Variants in C8orf34 observed in about 807,000 individuals in gnomAD.
The protein encoded by C8orf34 is chromosome 8 open reading frame 34.
Under a neutral mutation model 68.3 loss-of-function variants are expected in C8orf34, and 65 were observed. That is an observed-to-expected ratio of 0.95 (90% CI 0.78 to 1.17). The LOEUF is 1.17. Ranked by LOEUF, C8orf34 falls within the 50% of genes most tolerant of loss-of-function variation. The pLI is 0.00. For missense variants in C8orf34, 664 were observed against 655.4 expected (o/e 1.01, Z -0.14); for synonymous variants, 244 against 241.2 (o/e 1.01, Z -0.11).
At chr8:68,669,420 A>G (rs1819941167) in intron 8 of C8orf34, among the ~76,000 whole-genome samples, 1 of 152,218 alleles carries the variant, frequency 6.6e-6, no homozygotes, top group Non-Finnish European at 1.5e-5. Flanking sequence ...CTCACTTGAT[A>G]TTAGTAACAA....
intron 12 of C8orf34, among the ~76,000 whole-genome samples, chr8:68,802,274 A>G (rs1334764825): frequency 6.6e-6 from 1 of 151,448 alleles, no homozygotes; most frequent in East Asian, 2.0e-4. Flanking sequence ...CTAATTTTGT[A>G]TTTTTAGTAG....
chr8:68,332,254 A>G (rs1211264006), intron 1 of C8orf34, among the ~76,000 whole-genome samples: 2 of 152,022 alleles, frequency 1.3e-5, no homozygotes, highest in Non-Finnish European at 1.5e-5. Flanking sequence ...TGCGGACCGT[A>G]GTCAGAAGTG....
chr8:68,521,642 C>T (rs1180763578), intron 5 of C8orf34, among the ~76,000 whole-genome samples, 157 bp from the exon 6 acceptor site: 2 of 152,140 alleles, frequency 1.3e-5, no homozygotes, highest in African/African-American at 4.8e-5. Flanking sequence ...ATCACTAGAA[C>T]AAGCTATCTA....
intron 12 of C8orf34, among the ~76,000 whole-genome samples, chr8:68,801,362 A>G (rs1824321905): frequency 6.6e-6 from 1 of 152,228 alleles, no homozygotes. Context: ...CTCTCATAGT[A>G]AGAATTAGCT....
chr8:68,477,616 G>T (rs756541124), intron 4 of C8orf34, among the ~76,000 whole-genome samples: 2 of 152,228 alleles, frequency 1.3e-5, no homozygotes, highest in Non-Finnish European at 2.9e-5. Context: ...ATGAAGGAGG[G>T]ATACCTGAGG....
intron 1 of C8orf34, among the ~76,000 whole-genome samples, chr8:68,343,593 A>T (rs1455634006): frequency 2.2e-5 from 3 of 137,320 alleles, no homozygotes; most frequent in Admixed American, 7.3e-5. Context: ...TGCCTAGCTA[A>T]TTTTTTTTTT....
chr8:68,416,122 T>C (rs1320552344), intron 1 of C8orf34, among the ~76,000 whole-genome samples: 1 of 152,236 alleles, frequency 6.6e-6, no homozygotes, highest in Non-Finnish European at 1.5e-5. Context: ...CAGAAGGTGG[T>C]GTTTTATAGA....
chr8:68,607,938 C>T (rs1341978324), intron 7 of C8orf34, among the ~76,000 whole-genome samples: 1 of 152,026 alleles, frequency 6.6e-6, no homozygotes, highest in East Asian at 1.9e-4. Flanking sequence ...TATAGAGCGA[C>T]TTTGGAAGTC....
rs1322368027 is a variant in C8orf34, at chr8:68,693,102, C to A, written c.1242-15892C>A. ...TTCATTTCCTGTAGTCTTAGATTTC[C>A]CCCAAATTTATGAATTGTCCTTCCT... is the stretch of plus-strand genomic sequence containing the variant. On this transcript the variant is annotated intron_variant, in intron 8 of 13. Coordinates refer to ENST00000518698, the MANE Select transcript of C8orf34 (RefSeq NM_052958.4). Among the ~76,000 whole-genome samples, 5 of 151,996 alleles carry A rather than the reference C, an allele frequency of 3.3e-5. No homozygotes were observed. The East Asian group carries it at 7.8e-4, about 24-fold the overall frequency.
At chr8:68,597,915 A>T (rs1164585361) in intron 7 of C8orf34, among the ~76,000 whole-genome samples, 1 of 152,142 alleles carries the variant, frequency 6.6e-6, no homozygotes, top group African/African-American at 2.4e-5. Flanking sequence ...TTTCCTTCTT[A>T]CAACTAGCTA....
intron 3 of C8orf34, among the ~76,000 whole-genome samples, chr8:68,449,138 A>G (rs1400978313): frequency 1.3e-5 from 2 of 152,200 alleles, no homozygotes; most frequent in African/African-American, 4.8e-5. Flanking sequence ...ACTATGCTCA[A>G]CAAAGTTAGT....
intron 7 of C8orf34, among the ~76,000 whole-genome samples, chr8:68,620,509 G>A (rs1021057352): frequency 6.6e-6 from 1 of 152,114 alleles, no homozygotes; most frequent in East Asian, 1.9e-4. Flanking sequence ...GGTCCTGCAC[G>A]GAGAGGAGCT....
rs938705299 is a variant in C8orf34, at chr8:68,551,198, TTTTA to T, written c.1105+18053_1105+18056del. ...GTTCTTGAATATGCTGATGTGATTT[TTTTA>T]TTTCTTTTTTTCTCTTTGCTTTTTT... is the stretch of plus-strand genomic sequence containing the variant. On this transcript the variant is annotated intron_variant, in intron 7 of 13. Transcript: ENST00000518698. 3.0e-4 allele frequency among the ~76,000 whole-genome samples: 45 copies of T among 152,132 alleles called. 1 individual carries two copies. The highest frequency in any genetic ancestry group is 1.0e-3 in the Admixed American group (16 of 15,274).
chr8:68,708,637 T>C (rs749265243), intron 8 of C8orf34, among the ~76,000 whole-genome samples: 1 of 152,186 alleles, frequency 6.6e-6, no homozygotes, highest in South Asian at 2.1e-4. Context: ...CAGACCCTGA[T>C]GTTAGGTGAG....
intron 5 of C8orf34, among the ~76,000 whole-genome samples, chr8:68,497,067 T>C (rs1275826448): frequency 1.3e-5 from 2 of 152,194 alleles, no homozygotes; most frequent in Non-Finnish European, 2.9e-5. Context: ...GGCCCATGTT[T>C]GTCTCTCAAA....
chr8:68,404,878 G>C (rs1238084042), intron 1 of C8orf34, among the ~76,000 whole-genome samples: 1 of 151,982 alleles, frequency 6.6e-6, no homozygotes, highest in Admixed American at 6.6e-5. Flanking sequence ...GAAATTTAAA[G>C]TAGTTTTTTT....
intron 1 of C8orf34, among the ~76,000 whole-genome samples, chr8:68,435,940 G>T (rs1290916471): frequency 6.6e-6 from 1 of 152,206 alleles, no homozygotes; most frequent in Non-Finnish European, 1.5e-5. Flanking sequence ...GGGCATGGTG[G>T]CTCACGCCTA....
intron 7 of C8orf34, among the ~76,000 whole-genome samples, chr8:68,559,149 G>A (rs1436110212): frequency 6.6e-6 from 1 of 152,156 alleles, no homozygotes; most frequent in East Asian, 1.9e-4. Flanking sequence ...TAGGAATGAT[G>A]AAAGGGAGTT....
chr8:68,658,329 A>G (rs564130798), intron 8 of C8orf34, among the ~76,000 whole-genome samples: 2 of 146,218 alleles, frequency 1.4e-5, no homozygotes, highest in East Asian at 4.3e-4. Context: ...GCTATCCATT[A>G]CTGTTCCATT....
Sources: allele counts gnomAD v4.1 joint callset (sites outside exome capture counted in the v4.1 genomes callset), GRCh38; gene constraint gnomAD v4.1.1; transcripts MANE v1.5; gene names NCBI Gene and HGNC (gene_info 2026-07-23, HGNC 2026-07-21).